ADCY10: variants seen among roughly 807,000 people sequenced by gnomAD.
The protein encoded by ADCY10 is adenylate cyclase 10.
Under a neutral mutation model 183.3 loss-of-function variants are expected in ADCY10, and 156 were observed. That is an observed-to-expected ratio of 0.85 (90% CI 0.75 to 0.97). The LOEUF (loss-of-function observed/expected upper bound fraction) is 0.97, where lower values mean the gene tolerates loss of function less well. Among genes scored for constraint, ADCY10 ranks in the 50% least tolerant of loss-of-function variants. ADCY10 has a pLI of 0.00. For missense variants in ADCY10, 1,745 were observed against 1,934.3 expected (o/e 0.90, Z 1.84); for synonymous variants, 645 against 670.0 (o/e 0.96, Z 0.58).
chr1:167,866,750 T>TTA (rs1666727517), intron 14 of ADCY10, among the ~76,000 whole-genome samples: 1 of 123,098 alleles, frequency 8.1e-6, no homozygotes, highest in Non-Finnish European at 1.8e-5. Flanking sequence ...AAAGTTCACT[T>TTA]AAAAAAAAAA....
At chr1:167,816,230 G>T (rs1266004564) in intron 31 of ADCY10, among the ~76,000 whole-genome samples, 1 of 152,026 alleles carries the variant, frequency 6.6e-6, no homozygotes, top group Non-Finnish European at 1.5e-5. Context: ...CATATAATTT[G>T]TAAACTACAG....
At chr1:167,907,766 C>G (rs1669912902) in intron 1 of ADCY10, among the ~76,000 whole-genome samples, 1 of 152,216 alleles carries the variant, frequency 6.6e-6, no homozygotes, top group Non-Finnish European at 1.5e-5. Flanking sequence ...AATCAAGAGA[C>G]TGCTATAGAC....
chr1:167,810,574 A>T (rs1362026025), intron 32 of ADCY10, 151 bp downstream of exon 32: 1 of 762,732 alleles, frequency 1.3e-6, no homozygotes, highest in Non-Finnish European at 2.2e-6. Flanking sequence ...AGCTTCCAAA[A>T]CTGAGCAGTA....
chr1:167,874,982 A>T, intron 13 of ADCY10, 149 bp downstream of exon 13: 1 of 748,182 alleles, frequency 1.3e-6, no homozygotes, highest in Non-Finnish European at 2.4e-6. Context: ...ATCCTGGTGT[A>T]TTGCTATTTT....
chr1:167,882,905 T>C (rs1667966386), intron 9 of ADCY10, among the ~76,000 whole-genome samples: 1 of 152,216 alleles, frequency 6.6e-6, no homozygotes, highest in Non-Finnish European at 1.5e-5. Context: ...AGCAACCTAC[T>C]GCTCAGAGTG....
chr1:167,909,470 T>C (rs1022399715), intron 1 of ADCY10, among the ~76,000 whole-genome samples: 7 of 152,238 alleles, frequency 4.6e-5, no homozygotes, highest in African/African-American at 1.7e-4. Flanking sequence ...CTATGTCCTG[T>C]GGGCCACATG....
chr1:167,829,326 C>A lies in ADCY10; in HGVS notation c.3691G>T (p.Ala1231Ser). The change falls in exon 26 of 33, where the codon GCC becomes TCC. Residue 1231 changes from alanine to serine, a missense_variant. Ala to Ser is a moderately conservative substitution (Grantham distance 99, BLOSUM62 1). Coordinates refer to ENST00000367851, the MANE Select transcript of ADCY10 (RefSeq NM_018417.6). Reference sequence around the variant, plus strand: ...ATTTGCATCATAACTGCCAGGTGGGCATAATACTTGCAGTGAAAAAGATAA... The same window carrying A: ...ATTTGCATCATAACTGCCAGGTGGGAATAATACTTGCAGTGAAAAAGATAA... ...YSYLFHCKYY[A>S]HLAVMMQMNT... is the part of the protein sequence containing the mutation. 1 of 1,614,116 alleles carries A rather than the reference C, an allele frequency of 6.2e-7. No homozygotes were observed. The highest frequency in any genetic ancestry group is 8.5e-7 in the Non-Finnish European group (1 of 1,179,970).
At chr1:167,812,931 A>G (rs1485041675) in intron 31 of ADCY10, among the ~76,000 whole-genome samples, 4 of 152,200 alleles carry the variant, frequency 2.6e-5, no homozygotes, top group African/African-American at 4.8e-5. Context: ...TGAAGATAAG[A>G]CAATGGAAAT....
intron 1 of ADCY10, among the ~76,000 whole-genome samples, chr1:167,912,050 G>T (rs960040099): frequency 3.3e-5 from 5 of 152,188 alleles, no homozygotes; most frequent in African/African-American, 1.2e-4. Flanking sequence ...TATTTTTGAA[G>T]ATATAGTTTT....
intron 12 of ADCY10, among the ~76,000 whole-genome samples, chr1:167,875,908 G>C (rs553005240): frequency 6.6e-6 from 1 of 150,720 alleles, no homozygotes; most frequent in African/African-American, 2.4e-5. Context: ...AGCCGAGATC[G>C]CACCACTGCA....
intron 12 of ADCY10, among the ~76,000 whole-genome samples, chr1:167,875,944 C>T (rs111419209): frequency 4.6e-5 from 7 of 151,568 alleles, no homozygotes; most frequent in African/African-American, 1.5e-4. Context: ...CAGAGCCAGA[C>T]TCCATCTCAA....
intron 17 of ADCY10, 39 bp from the exon 18 acceptor site, chr1:167,854,528 A>G (rs773506900): frequency 1.2e-6 from 2 of 1,613,222 alleles, no homozygotes; most frequent in Non-Finnish European, 8.5e-7. Context: ...CATTGAAGAT[A>G]CATCTTTTAG....
chr1:167,830,080 A>T (rs1251680085), intron 25 of ADCY10, among the ~76,000 whole-genome samples: 1 of 152,234 alleles, frequency 6.6e-6, no homozygotes, highest in Non-Finnish European at 1.5e-5. Context: ...ATAAAAAGTT[A>T]AGTATCTGCA....
intron 31 of ADCY10, 82 bp downstream of exon 31, chr1:167,817,990 A>G: frequency 7.4e-7 from 1 of 1,343,036 alleles, no homozygotes; most frequent in Non-Finnish European, 1.0e-6. Context: ...GAATTCTATA[A>G]TGAGAAAATA....
At chr1:167,861,920 C>T (rs1257868405) in intron 14 of ADCY10, among the ~76,000 whole-genome samples, 1 of 152,162 alleles carries the variant, frequency 6.6e-6, no homozygotes, top group East Asian at 1.9e-4. Flanking sequence ...CACTTCCTCC[C>T]TTGCTCGCTC....
chr1:167,896,837 T>G (rs1669011703), intron 6 of ADCY10, 146 bp from the exon 7 acceptor site: 1 of 636,956 alleles, frequency 1.6e-6, no homozygotes, highest in Non-Finnish European at 2.8e-6. Context: ...TTTGTAAAAT[T>G]GAAATTTTAA....
chr1:167,848,554 A>AATCAG, intron 18 of ADCY10, 65 bp from the exon 19 acceptor site: 1 of 1,597,214 alleles, frequency 6.3e-7, no homozygotes, highest in Non-Finnish European at 8.6e-7. Context: ...CTGATTTTCC[A>AATCAG]ATGAACTTTG....
intron 11 of ADCY10, among the ~76,000 whole-genome samples, chr1:167,879,063 C>T (rs1667693153): frequency 6.6e-6 from 1 of 152,202 alleles, no homozygotes; most frequent in Admixed American, 6.5e-5. Context: ...AATAAACCTT[C>T]ATTTGGCGAT....
rs1404325182 is a variant in ADCY10 at position 167,883,523 on chromosome 1, G to T, written c.934C>A (p.Pro312Thr). ...TGCATATAGGCATCCTGGATGGCTG[G>T]GCCTATCTCTTCTGCTTTGTCTTGG... ...EDQDKAEEIG[P>T]AIQDAYMHIT... The change falls in exon 9 of 33, where the codon CCA (proline) becomes ACA (threonine). Residue 312 changes from proline to threonine, a missense_variant. Coordinates refer to ENST00000367851, the MANE Select transcript of ADCY10 (RefSeq NM_018417.6). The T allele has an allele frequency of 2.5e-6, 4 of 1,614,174 alleles. No individual in the cohort carries two copies. Among genetic ancestry groups the T allele is most frequent in the Non-Finnish European group, 3.4e-6 (4 of 1,180,020 alleles).
Sources: gnomAD v4.1 joint callset for allele counts (sites outside exome capture counted in the v4.1 genomes callset) on GRCh38, gnomAD v4.1.1 for gene constraint, MANE v1.5 for transcripts, NCBI Gene and HGNC (gene_info 2026-07-23, HGNC 2026-07-21) for gene names.